The following RPL9 variants were observed in gnomAD, a reference collection of about 807,000 sequenced individuals.
RPL9 encodes ribosomal protein L9.
For synonymous variants in RPL9, 82 were observed against 77.1 expected (o/e 1.06, Z -0.33); for missense variants, 149 against 236.7 (o/e 0.63, Z 2.43).
intron 5 of RPL9, among the ~76,000 whole-genome samples, chr4:39,455,589 C>A (rs960670630): frequency 6.6e-6 from 1 of 151,920 alleles, no homozygotes; most frequent in African/African-American, 2.4e-5. Context: ...GCCTGGGCAA[C>A]GTGGCGAAAC....
rs771897329 is a variant in RPL9 at position 39,454,838 on chromosome 4, T to C, written c.472+26A>G. The C allele has an allele frequency of 3.7e-6, 6 of 1,604,108 alleles. No homozygotes were observed. In the African/African-American group the frequency reaches 5.4e-5, roughly 14 times the overall value. ...AGATTTAGACAAAATCTTGTAGGCA[T>C]AGTTAGACATAGTAAACATACAAAC... On this transcript the variant is annotated intron_variant, in intron 6 of 7. Transcript: ENST00000295955.
In RPL9 at chr4:39,454,857, T is replaced by C. The variant is rs776222659; in HGVS notation, c.472+7A>G. 6.2e-7 allele frequency: 1 copy of C among 1,612,902 alleles called. No individual in the cohort carries two copies. Among genetic ancestry groups the C allele is most frequent in the African/African-American group, 1.3e-5 (1 of 74,914 alleles). ...TAGGCATAGTTAGACATAGTAAACA[T>C]ACAAACCTGAATTTGAAACAAGCTC... On this transcript the variant is annotated splice_region_variant and intron_variant, in intron 6 of 7. Coordinates refer to ENST00000295955, the MANE Select transcript of RPL9 (RefSeq NM_000661.5).
At chr4:39,454,436 T>A in intron 7 of RPL9, 97 bp downstream of exon 7, 6 of 939,782 alleles carry the variant, frequency 6.4e-6, no homozygotes, top group Non-Finnish European at 9.5e-6. Flanking sequence ...TAACTCTCCA[T>A]TTTCTATTAC....
intron 1 of RPL9, 172 bp downstream of exon 1, chr4:39,458,719 G>A (rs767417925): frequency 9.4e-6 from 6 of 640,714 alleles, no homozygotes; most frequent in Non-Finnish European, 1.7e-5. Flanking sequence ...GCGGGAATAG[G>A]CCAAAAAGCC....
At chr4:39,456,192 C>T (rs1744078445) in intron 5 of RPL9, 5 of 582,192 alleles carry the variant, frequency 8.6e-6, no homozygotes, top group Non-Finnish European at 1.6e-5. Flanking sequence ...TCCAATGTAT[C>T]AACTTTCTGA....
intron 4 of RPL9, chr4:39,457,349 T>C (rs1287232281): frequency 6.4e-6 from 2 of 310,444 alleles, no homozygotes; most frequent in Non-Finnish European, 5.7e-6. Context: ...ACCCCAGCCT[T>C]GATTAAAAAA....
chr4:39,457,301 G>C, intron 4 of RPL9: 1 of 270,752 alleles, frequency 3.7e-6, no homozygotes, highest in Non-Finnish European at 7.0e-6. Context: ...GGCCAAGGTG[G>C]GAGGATCACT....
intron 3 of RPL9, 55 bp downstream of exon 3, chr4:39,458,139 C>T (rs1178727653): frequency 1.9e-6 from 3 of 1,551,590 alleles, no homozygotes; most frequent in East Asian, 2.3e-5. Flanking sequence ...AAATGTGATG[C>T]TGTTATAAAC....
chr4:39,454,983 T>C (rs1744029431), intron 5 of RPL9, 39 bp from the exon 6 acceptor site: 1 of 1,563,590 alleles, frequency 6.4e-7, no homozygotes, highest in Non-Finnish European at 8.7e-7. Context: ...ATCAAATCTG[T>C]GTAAAAAATA....
At chr4:39,458,105 A>G (rs1347962415) in intron 3 of RPL9, 89 bp downstream of exon 3, 1 of 1,307,132 alleles carries the variant, frequency 7.7e-7, no homozygotes, top group East Asian at 2.5e-5. Flanking sequence ...ACTGAACCTT[A>G]ATTCGAAAAT....
intron 5 of RPL9, 138 bp downstream of exon 5, chr4:39,456,268 T>C (rs1430269626): frequency 1.1e-6 from 1 of 898,862 alleles, no homozygotes; most frequent in Non-Finnish European, 1.8e-6. Context: ...AATCAAGAGA[T>C]AATTCTAAAA....
In RPL9 at chr4:39,458,916, A is replaced by G. The variant is rs1334580187; in HGVS notation, c.-27T>C. 1 of 713,018 alleles carries G rather than the reference A, an allele frequency of 1.4e-6. No homozygotes were observed. Among genetic ancestry groups the G allele is most frequent in the African/African-American group, 1.7e-5 (1 of 57,460 alleles). 44.2% of individuals were successfully genotyped at this position (713,018 alleles called of 1,614,324 possible). ...CTCGCAGTAGACGCAGCAAAGAAAG[A>G]ACGTCTGTCGTCATTACGTACTTGT... On this transcript the variant is annotated 5_prime_UTR_variant, in exon 1 of 8. Transcript: ENST00000295955.
At chr4:39,454,994 T>A in intron 5 of RPL9, 50 bp from the exon 6 acceptor site, 1 of 1,539,714 alleles carries the variant, frequency 6.5e-7, no homozygotes, top group Non-Finnish European at 8.9e-7. Flanking sequence ...GTAAAAAATA[T>A]TTAAATTGCA....
intron 4 of RPL9, chr4:39,456,843 A>G (rs1744105953): frequency 3.6e-6 from 1 of 280,346 alleles, no homozygotes; most frequent in Non-Finnish European, 6.8e-6. Context: ...TTACTAAGGT[A>G]CAGCACATGG....
intron 3 of RPL9, 170 bp downstream of exon 3, chr4:39,458,024 T>C (rs1324982864): frequency 4.1e-6 from 3 of 737,472 alleles, no homozygotes; most frequent in Non-Finnish European, 7.2e-6. Flanking sequence ...TAATTGGCTG[T>C]GTTCAGAATC....
rs1195449090 is a variant in RPL9, at chr4:39,458,204, T to C, written c.152A>G (p.Lys51Arg). The C allele has an allele frequency of 2.5e-6, 4 of 1,614,082 alleles. No homozygotes were observed. In the African/African-American group the frequency reaches 5.3e-5, roughly 22 times the overall value. The change falls in exon 3 of 8, where the codon AAA (lysine) becomes AGA (arginine). Residue 51 changes from lysine to arginine, a missense_variant. By Grantham distance (26) the Lys-to-Arg change is conservative (BLOSUM62 2). Coordinates refer to ENST00000295955, the MANE Select transcript of RPL9 (RefSeq NM_000661.5). The stretch of plus-strand genomic sequence containing the variant: ...AAGAAAAACCCTCACCCTCTTTTTT[T>C]TCTTTCCAAGAAGGCTGAGTTCTAC... ...INVELSLLGK[K>R]KKRLRVDKWW...
At chr4:39,456,151 C>T in intron 5 of RPL9, 2 of 485,498 alleles carry the variant, frequency 4.1e-6, no homozygotes, top group Non-Finnish European at 7.6e-6. Context: ...TTTCATTTGC[C>T]AAGTTAAATA....
At chr4:39,454,697 T>C in intron 6 of RPL9, 48 bp from the exon 7 acceptor site, 1 of 1,531,608 alleles carries the variant, frequency 6.5e-7, no homozygotes, top group Non-Finnish European at 8.9e-7. Context: ...TAACCCATCT[T>C]AAAAAGAAAG....
chr4:39,458,546 A>C (rs971151929), intron 1 of RPL9, 106 bp from the exon 2 acceptor site: 11 of 1,244,490 alleles, frequency 8.8e-6, no homozygotes, highest in African/African-American at 6.0e-5. Flanking sequence ...CGGAAGTTCC[A>C]GACAAGATGT....
Sources: gnomAD v4.1 joint callset for allele counts (sites outside exome capture counted in the v4.1 genomes callset) on GRCh38, gnomAD v4.1.1 for gene constraint, MANE v1.5 for transcripts, NCBI Gene and HGNC (gene_info 2026-07-23, HGNC 2026-07-21) for gene names.